MTHFD1: variants seen among roughly 807,000 people sequenced by gnomAD.
MTHFD1 encodes the protein C-1-tetrahydrofolate synthase, cytoplasmic.
Under a neutral mutation model 110.3 loss-of-function variants are expected in MTHFD1, and 44 were observed. That is an observed-to-expected ratio of 0.40 (90% CI 0.31 to 0.51). The LOEUF (loss-of-function observed/expected upper bound fraction) is 0.51, where lower values mean the gene tolerates loss of function less well. Among genes scored for constraint, MTHFD1 ranks in the 20% least tolerant of loss-of-function variants. The pLI, the probability that MTHFD1 is intolerant of heterozygous loss-of-function variation, is 0.60. For missense variants in MTHFD1, 909 were observed against 1,173.1 expected (o/e 0.77, Z 3.29); for synonymous variants, 402 against 428.8 (o/e 0.94, Z 0.77).
At chr14:64,451,241 C>G (rs762955204) in intron 24 of MTHFD1, among the ~76,000 whole-genome samples, 1 of 151,990 alleles carries the variant, frequency 6.6e-6, no homozygotes, top group African/African-American at 2.4e-5. Context: ...AGGCTGGTCT[C>G]GAACTCCTGG....
rs772443690 is a variant in MTHFD1, at chr14:64,415,693, C to T, written c.432C>T (p.Phe144=). Residue 144 remains phenylalanine (F), a synonymous_variant, in exon 6 of 28, where the codon TTC becomes TTT. Coordinates refer to ENST00000652337, the MANE Select transcript of MTHFD1 (RefSeq NM_005956.4). ...CTAGAGGTGACCTCAATGACTGTTT[C>T]ATTCCTTGTACGCCTAAGGGATGCT... ...KLARGDLNDC[F]IPCTPKGCLE... The T allele has an allele frequency of 9.3e-6, 15 of 1,614,048 alleles. No individual in the cohort carries two copies. Among genetic ancestry groups the T allele is most frequent in the Non-Finnish European group, 1.3e-5 (15 of 1,179,908 alleles).
chr14:64,424,830 G>C lies in MTHFD1; in HGVS notation c.754G>C (p.Val252Leu), dbSNP rs1466092928. 1.2e-6 allele frequency: 2 copies of C among 1,614,120 alleles called. No individual in the cohort carries two copies. Among genetic ancestry groups the C allele is most frequent in the Admixed American group, 1.7e-5 (1 of 59,984 alleles). ...PDDKKPNGRK[V>L]VGDVAYDEAK... ...TGATAAAAAACCAAATGGGAGAAAA[G>C]TTGTGGGTGATGTGGCATACGACGA... The change falls in exon 9 of 28, where the codon GTT becomes CTT. Residue 252 changes from valine to leucine, a missense_variant. Around this residue, in one of 3 missense-constraint regions of MTHFD1, gnomAD observed 424 missense variants for 510.4 expected, o/e 0.83. Transcript: ENST00000652337.
chr14:64,403,736 G>GT (rs927516027), intron 2 of MTHFD1, among the ~76,000 whole-genome samples: 9 of 151,800 alleles, frequency 5.9e-5, no homozygotes, highest in Non-Finnish European at 1.2e-4. Flanking sequence ...TGTAGAGACG[G>GT]TTTTTTGCCT....
chr14:64,445,514 C>T (rs115497807), intron 22 of MTHFD1, among the ~76,000 whole-genome samples: 264 of 152,316 alleles, frequency 1.7e-3, no homozygotes, highest in African/African-American at 6.0e-3. Context: ...GCAAGGTCAC[C>T]TGCTGTCACT....
chr14:64,415,971 C>A (rs114359454), intron 6 of MTHFD1, among the ~76,000 whole-genome samples: 1 of 152,124 alleles, frequency 6.6e-6, no homozygotes, highest in Non-Finnish European at 1.5e-5. Flanking sequence ...CCAGGCACAG[C>A]GGCTCATGCC....
chr14:64,414,480 C>T (rs1156892417), intron 4 of MTHFD1, among the ~76,000 whole-genome samples: 1 of 151,822 alleles, frequency 6.6e-6, no homozygotes, highest in African/African-American at 2.4e-5. Context: ...TTTGTAGAGA[C>T]AGGGTTTCAC....
chr14:64,430,691 TA>T (rs1364012630), intron 13 of MTHFD1, among the ~76,000 whole-genome samples: 2 of 152,264 alleles, frequency 1.3e-5, no homozygotes, highest in African/African-American at 4.8e-5. Context: ...AAGCAACACC[TA>T]GGGGGAAAAC....
chr14:64,407,227 A>G (rs1198332924), intron 2 of MTHFD1, among the ~76,000 whole-genome samples: 1 of 152,114 alleles, frequency 6.6e-6, no homozygotes, highest in Non-Finnish European at 1.5e-5. Flanking sequence ...CCACTTTAGG[A>G]GGCCAAGGCG....
intron 15 of MTHFD1, among the ~76,000 whole-genome samples, chr14:64,432,991 G>T (rs1018560515): frequency 2.6e-5 from 4 of 151,958 alleles, no homozygotes; most frequent in Admixed American, 1.3e-4. Context: ...CAAACTCCTG[G>T]TCTAAAGCGA....
intron 24 of MTHFD1, 162 bp downstream of exon 24, chr14:64,449,784 T>A (rs2078340786): frequency 1.2e-6 from 1 of 815,834 alleles, no homozygotes; most frequent in Non-Finnish European, 2.0e-6. Context: ...CTCCCAGCTG[T>A]AGACAGCCTT....
intron 21 of MTHFD1, among the ~76,000 whole-genome samples, chr14:64,443,824 G>A (rs1210668920): frequency 3.3e-5 from 5 of 152,034 alleles, no homozygotes; most frequent in African/African-American, 1.2e-4. Flanking sequence ...CCATAATGCT[G>A]TGCATGGAGG....
intron 8 of MTHFD1, among the ~76,000 whole-genome samples, 200 bp from the exon 9 acceptor site, chr14:64,424,604 C>G (rs1440993299): frequency 6.6e-6 from 1 of 152,172 alleles, no homozygotes; most frequent in African/African-American, 2.4e-5. Context: ...ACCACTTATG[C>G]ATCTTGTGAA....
intron 4 of MTHFD1, among the ~76,000 whole-genome samples, chr14:64,414,280 T>G (rs2078007564): frequency 7.7e-6 from 1 of 129,602 alleles, no homozygotes; most frequent in African/African-American, 2.9e-5. Flanking sequence ...ACCGCACCTG[T>G]CCCCGCTTTT....
chr14:64,393,004 T>C (rs1228452844), intron 1 of MTHFD1, among the ~76,000 whole-genome samples: 1 of 152,218 alleles, frequency 6.6e-6, no homozygotes, highest in Non-Finnish European at 1.5e-5. Context: ...ATAATTTGCT[T>C]ACCATAGTGA....
intron 12 of MTHFD1, among the ~76,000 whole-genome samples, chr14:64,429,126 G>A (rs545190353): frequency 2.6e-5 from 4 of 151,278 alleles, no homozygotes; most frequent in South Asian, 2.1e-4. Context: ...CCAGGAGTTC[G>A]AGACCAGCCA....
intron 9 of MTHFD1, 21 bp from the exon 10 acceptor site, chr14:64,425,709 C>A (rs969980444): frequency 3.8e-6 from 6 of 1,596,224 alleles, no homozygotes; most frequent in South Asian, 1.1e-5. Context: ...TTCTAAGTTT[C>A]ATTTATTTCA....
intron 1 of MTHFD1, among the ~76,000 whole-genome samples, chr14:64,397,180 TATATATATATA>T (rs1173016934): frequency 0.015 from 228 of 15,022 alleles, 11 homozygotes; most frequent in African/African-American, 0.032. Context: ...TATATATATA[TATATATATATA>T]AAAAACAGTA....
intron 2 of MTHFD1, among the ~76,000 whole-genome samples, chr14:64,406,443 G>A (rs574363519): frequency 1.3e-4 from 19 of 149,954 alleles, no homozygotes; most frequent in Non-Finnish European, 2.8e-4. Context: ...TACTTTTGGC[G>A]TTGTCAGTGC....
chr14:64,441,689 C>A (rs1455154014), intron 19 of MTHFD1: 3 of 562,500 alleles, frequency 5.3e-6, no homozygotes, highest in Non-Finnish European at 9.6e-6. Flanking sequence ...GCCTGTAGTC[C>A]CAGCTGCTCG....
Sources: gnomAD v4.1 joint callset for allele counts (sites outside exome capture counted in the v4.1 genomes callset) on GRCh38, gnomAD v4.1.1 for gene constraint, gnomAD v4.1.1 regional missense constraint, MANE v1.5 for transcripts, NCBI Gene and HGNC (gene_info 2026-07-23, HGNC 2026-07-21) for gene names.